Variants in ACO1 observed in about 807,000 individuals in gnomAD.
ACO1 encodes the protein aconitase 1.
A neutral mutation model predicts 105.1 loss-of-function variants in ACO1; 78 were observed. The observed-to-expected ratio is 0.74, with a 90% CI of 0.62 to 0.90. The LOEUF is 0.90. Ranked by LOEUF, ACO1 falls within the 40% of genes least tolerant of loss-of-function variation. ACO1 has a pLI of 0.00. For missense variants in ACO1, 965 were observed against 1,111.1 expected (o/e 0.87, Z 1.87); for synonymous variants, 364 against 397.4 (o/e 0.92, Z 1.00).
chr9:32,395,983 C>CA (rs1821365095), intron 1 of ACO1, among the ~76,000 whole-genome samples: 1 of 152,234 alleles, frequency 6.6e-6, no homozygotes, highest in African/African-American at 2.4e-5. Context: ...CCTCAAGAGG[C>CA]AGGGGCTGCC....
intron 8 of ACO1, among the ~76,000 whole-genome samples, chr9:32,423,056 A>G (rs1040410198): frequency 3.9e-5 from 6 of 152,224 alleles, no homozygotes; most frequent in Non-Finnish European, 4.4e-5. Flanking sequence ...CGGGTTATCT[A>G]TAGATAGAAC....
chr9:32,428,713 G>A (rs1359591987), intron 12 of ACO1, among the ~76,000 whole-genome samples: 4 of 151,932 alleles, frequency 2.6e-5, no homozygotes, highest in Non-Finnish European at 4.4e-5. Context: ...GCGTGGTGGC[G>A]GGCACCTGTA....
intron 1 of ACO1, among the ~76,000 whole-genome samples, chr9:32,385,131 A>G (rs976010393): frequency 6.6e-6 from 1 of 152,154 alleles, no homozygotes; most frequent in Non-Finnish European, 1.5e-5. Context: ...ACCCTTGCTA[A>G]AGTTGTGCGG....
intron 1 of ACO1, among the ~76,000 whole-genome samples, chr9:32,402,381 C>T (rs549984284): frequency 2.6e-5 from 4 of 152,264 alleles, no homozygotes; most frequent in East Asian, 3.9e-4. Context: ...TCATTGTCTT[C>T]GTTTGTTCAT....
intron 19 of ACO1, chr9:32,445,943 G>A (rs1822595728): frequency 6.6e-6 from 1 of 152,236 alleles, no homozygotes; most frequent in African/African-American, 2.4e-5. Flanking sequence ...TTAATCCTGA[G>A]TTCTAATTTG....
At chr9:32,407,229 G>A (rs113665049) in intron 2 of ACO1, 32 bp from the exon 3 acceptor site, 2 of 1,609,452 alleles carry the variant, frequency 1.2e-6, no homozygotes, top group Non-Finnish European at 1.7e-6. Flanking sequence ...TGTCTCACAG[G>A]TTTTGTTTAT....
rs533839284 is a variant in ACO1, at chr9:32,450,667, C to G, written c.*556C>G. On this transcript the variant is annotated 3_prime_UTR_variant, in exon 21 of 21. Coordinates refer to ENST00000309951, the MANE Select transcript of ACO1 (RefSeq NM_002197.3). ...TCATCCAGACTCCTCATGGATAGGT[C>G]GGGTGTTAAAGTTGTTTTGATTATG... The G allele has an allele frequency of 6.5e-6, 1 of 153,534 alleles. No individual in the cohort carries two copies. The highest frequency in any genetic ancestry group is 1.4e-5 in the Non-Finnish European group (1 of 69,118). The allele number at this position is 153,534 out of a possible 1,614,324, so 9.5% of individuals were successfully genotyped here.
chr9:32,448,385 G>A (rs990999152), intron 19 of ACO1, among the ~76,000 whole-genome samples: 10 of 152,318 alleles, frequency 6.6e-5, no homozygotes, highest in South Asian at 2.1e-4. Flanking sequence ...CACCAAGCTC[G>A]AGCATCCCAG....
At chr9:32,403,023 G>C (rs547043377) in intron 1 of ACO1, among the ~76,000 whole-genome samples, 2 of 152,278 alleles carry the variant, frequency 1.3e-5, no homozygotes, top group East Asian at 3.9e-4. Flanking sequence ...GGCAACTCCA[G>C]CATTCAAAGT....
intron 15 of ACO1, 83 bp downstream of exon 15, chr9:32,431,926 C>G (rs1822248335): frequency 2.0e-6 from 3 of 1,497,210 alleles, no homozygotes; most frequent in African/African-American, 2.8e-5. Flanking sequence ...GACCTCAAGG[C>G]TAACGGAAGT....
chr9:32,419,297 G>A, intron 7 of ACO1, 120 bp downstream of exon 7: 3 of 1,133,062 alleles, frequency 2.6e-6, no homozygotes, highest in South Asian at 4.8e-5. Flanking sequence ...AAGGAAACAA[G>A]GTTGATGATT....
intron 19 of ACO1, 122 bp downstream of exon 19, chr9:32,440,709 G>C: frequency 7.4e-7 from 1 of 1,349,070 alleles, no homozygotes; most frequent in Non-Finnish European, 9.9e-7. Flanking sequence ...CAAAAAAGCA[G>C]GTAGTGTTTA....
chr9:32,413,771 C>CGTG (rs1166073354), intron 4 of ACO1, among the ~76,000 whole-genome samples: 1 of 151,944 alleles, frequency 6.6e-6, no homozygotes, highest in African/African-American at 2.4e-5. Context: ...AGCTTCACAC[C>CGTG]ATCTTTAGAA....
intron 20 of ACO1, among the ~76,000 whole-genome samples, 196 bp downstream of exon 20, chr9:32,449,277 C>T (rs753846354): frequency 1.3e-5 from 2 of 151,866 alleles, no homozygotes; most frequent in African/African-American, 4.9e-5. Flanking sequence ...GATTTAATTT[C>T]TCTGTTTATT....
At position 32,407,430 on chromosome 9, in the gene ACO1, G is replaced by T; in HGVS notation, c.266+1G>T. 1 of 1,611,694 alleles carries T rather than the reference G, an allele frequency of 6.2e-7. No individual in the cohort carries two copies. The highest frequency in any genetic ancestry group is 8.5e-7 in the Non-Finnish European group (1 of 1,178,114). On this transcript the variant is annotated splice_donor_variant, in intron 3 of 20. Coordinates refer to ENST00000309951, the MANE Select transcript of ACO1 (RefSeq NM_002197.3). LOFTEE classifies it high-confidence loss of function. ...CTCGTGTCATCCTGCAGGACTTTAC[G>T]TGAGCCTAATGTCACTTCACTCTCC...
chr9:32,450,036 T>C lies in ACO1; in HGVS notation c.2595T>C (p.Phe865=). The change falls in exon 21 of 21, where the codon TTT becomes TTC. Residue 865 remains phenylalanine, a synonymous_variant. Coordinates refer to ENST00000309951, the MANE Select transcript of ACO1 (RefSeq NM_002197.3). ...TGKTFQAVMR[F]DTDVELTYFL... ...AGACCTTCCAGGCTGTCATGAGGTT[T>C]GACACTGATGTGGAGCTCACTTATT... is the stretch of plus-strand genomic sequence containing the variant. 1 of 1,614,098 alleles carries C rather than the reference T, an allele frequency of 6.2e-7. No homozygotes were observed. Among genetic ancestry groups the C allele is most frequent in the Non-Finnish European group, 8.5e-7 (1 of 1,180,008 alleles).
chr9:32,409,561 T>C (rs995396320), intron 4 of ACO1, among the ~76,000 whole-genome samples: 3 of 152,224 alleles, frequency 2.0e-5, no homozygotes, highest in African/African-American at 4.8e-5. Context: ...TATTAAAATG[T>C]CTTCGTTGGC....
intron 2 of ACO1, 102 bp downstream of exon 2, chr9:32,405,705 A>G (rs1189775097): frequency 6.3e-6 from 5 of 793,288 alleles, no homozygotes; most frequent in Non-Finnish European, 1.0e-5. Flanking sequence ...AGTAGCAGAG[A>G]ATGGGTGAAT....
In ACO1 at chr9:32,421,837, C is replaced by T. The variant is rs544064320; in HGVS notation, c.970+810C>T. On this transcript the variant is annotated intron_variant, in intron 8 of 20. Transcript: ENST00000309951. Reference sequence around the variant, plus strand: ...GGCTGAAGTACCCCAGAGGTGCTTGCACAGATCTCTGGATGAAGTGAAGGG... The same window carrying T: ...GGCTGAAGTACCCCAGAGGTGCTTGTACAGATCTCTGGATGAAGTGAAGGG... 6.6e-5 allele frequency among the ~76,000 whole-genome samples: 10 copies of T among 152,268 alleles called. No homozygotes were observed. The South Asian group carries it at 1.9e-3, about 28-fold the overall frequency.
Sources: allele counts gnomAD v4.1 joint callset (sites outside exome capture counted in the v4.1 genomes callset), GRCh38; gene constraint gnomAD v4.1.1; transcripts MANE v1.5; gene names NCBI Gene and HGNC (gene_info 2026-07-23, HGNC 2026-07-21).